The following PUDP variants were observed in gnomAD, a reference collection of about 807,000 sequenced individuals.
PUDP encodes the protein pseudouridine 5'-phosphatase, also known as pseudouridine-5'-phosphatase.
Under a neutral mutation model 9.4 loss-of-function variants are expected in PUDP, and 8 were observed. The observed-to-expected ratio is 0.85, with a 90% CI of 0.50 to 1.53. PUDP has a LOEUF of 1.53. Ranked by LOEUF, PUDP falls within the 40% of genes most tolerant of loss-of-function variation. PUDP has a pLI of 0.00. For missense variants in PUDP, 188 were observed against 189.7 expected (o/e 0.99, Z 0.05); for synonymous variants, 99 against 80.7 (o/e 1.23, Z -1.22).
chrX:6,854,039 T>C (rs1024075466), intron 3 of PUDP, among the ~76,000 whole-genome samples: 3 of 111,965 alleles, frequency 2.7e-5, no homozygotes, highest in Non-Finnish European at 3.8e-5. Context: ...GCTGGGATTA[T>C]AGGTATGAGG....
intron 3 of PUDP, among the ~76,000 whole-genome samples, chrX:6,964,887 T>A (rs748609045): frequency 6.3e-5 from 7 of 111,407 alleles, no homozygotes; most frequent in Admixed American, 5.8e-4. Flanking sequence ...CCTAAGTTTT[T>A]TCCCCCTCCT....
Position 6,791,438 on chromosome X carries a change from G to A in PUDP, c.*248-84972C>T, listed in dbSNP as rs142178194. On this transcript the variant is annotated intron_variant and NMD_transcript_variant, in intron 3 of 3. Transcript: ENST00000655425. ...CCCAAGTCTGAATCCACAGACCTGC[G>A]AATCTGCAAAGAGTAACCAAGGTTA... Among the ~76,000 whole-genome samples the A allele has an allele frequency of 4.9e-3, 551 of 111,446 alleles. 4 individuals carry two copies. The highest frequency in any genetic ancestry group is 0.017 in the African/African-American group (524 of 30,739).
At chrX:6,900,326 T>TGGC (rs1555915669) in intron 3 of PUDP, among the ~76,000 whole-genome samples, 5 of 81,586 alleles carry the variant, frequency 6.1e-5, no homozygotes, top group African/African-American at 1.9e-4. Flanking sequence ...TGTCACCACT[T>TGGC]GGGGGGGGGG....
At chrX:6,965,676 T>C (rs1928772378) in intron 3 of PUDP, among the ~76,000 whole-genome samples, 1 of 112,459 alleles carries the variant, frequency 8.9e-6, no homozygotes, top group African/African-American at 3.2e-5. Flanking sequence ...ACAGGAGTTA[T>C]ACACAAAATA....
At chrX:7,054,063 C>T (rs1301110260) in intron 3 of PUDP, among the ~76,000 whole-genome samples, 1 of 111,919 alleles carries the variant, frequency 8.9e-6, no homozygotes, top group Non-Finnish European at 1.9e-5. Flanking sequence ...CTCGAATAAG[C>T]ATGAAGAGTG....
At chrX:7,059,411 C>T (rs960899653) in intron 3 of PUDP, among the ~76,000 whole-genome samples, 13 of 111,987 alleles carry the variant, frequency 1.2e-4, no homozygotes, top group Admixed American at 1.0e-3. Context: ...AAAAACAAAC[C>T]GCAAGTTTCT....
intron 3 of PUDP, among the ~76,000 whole-genome samples, chrX:6,876,829 CTA>C (rs764475173): frequency 4.6e-5 from 5 of 108,325 alleles, no homozygotes; most frequent in Non-Finnish European, 9.6e-5. Context: ...ATGTGTGTAC[CTA>C]TAGACATATA....
intron 1 of PUDP, among the ~76,000 whole-genome samples, chrX:7,127,974 A>G (rs1451443773): frequency 8.9e-6 from 1 of 112,284 alleles, no homozygotes; most frequent in African/African-American, 3.2e-5. Flanking sequence ...GGTGAAGTTT[A>G]TGAAAAAATT....
At chrX:7,006,649 T>C (rs1929406618) in intron 1 of PUDP, among the ~76,000 whole-genome samples, 1 of 110,927 alleles carries the variant, frequency 9.0e-6, no homozygotes, top group Non-Finnish European at 1.9e-5. Flanking sequence ...TATTAGAATG[T>C]GAGTTTGGTT....
In PUDP at chrX:7,077,409, G is replaced by T. The variant is rs1165565506; in HGVS notation, c.321C>A (p.Ile107=). The change falls in exon 3 of 4, where the codon ATC becomes ATA. Residue 107 remains isoleucine (I), a synonymous_variant. Transcript: ENST00000381077. Reference sequence around the variant, plus strand: ...CCGAGCTGGTGGCCAGTGCAAAGGGGATGCCATGTTTCCGCAGGTGGATGA... The same window carrying T: ...CCGAGCTGGTGGCCAGTGCAAAGGGTATGCCATGTTTCCGCAGGTGGATGA... ...KLIIHLRKHG[I]PFALATSSGS... 1.7e-6 allele frequency: 2 copies of T among 1,209,044 alleles called. No individual in the cohort carries two copies. Among genetic ancestry groups the T allele is most frequent in the Non-Finnish European group, 2.2e-6 (2 of 894,783 alleles).
chrX:7,058,153 G>A (rs1420867922), intron 3 of PUDP, among the ~76,000 whole-genome samples: 3 of 111,850 alleles, frequency 2.7e-5, no homozygotes, highest in Non-Finnish European at 5.6e-5. Context: ...AGTGCTGCCC[G>A]TGCCTACTTG....
intron 3 of PUDP, among the ~76,000 whole-genome samples, chrX:6,927,535 C>T (rs1033253639): frequency 8.0e-5 from 9 of 112,211 alleles, no homozygotes; most frequent in African/African-American, 2.9e-4. Context: ...CTGCATCTCA[C>T]TTTGTGGGCA....
At chrX:6,901,769 G>A (rs1379664256) in intron 3 of PUDP, among the ~76,000 whole-genome samples, 1 of 112,955 alleles carries the variant, frequency 8.9e-6, no homozygotes, top group Non-Finnish European at 1.9e-5. Flanking sequence ...AGGGAGACAT[G>A]TGCAATATAC....
chrX:6,856,469 T>C (rs974847154), intron 3 of PUDP, among the ~76,000 whole-genome samples: 1 of 112,347 alleles, frequency 8.9e-6, no homozygotes, highest in Non-Finnish European at 1.9e-5. Context: ...TGCAATCATT[T>C]ATCATGCAAA....
chrX:7,000,065 C>T (rs894539498), intron 1 of PUDP, among the ~76,000 whole-genome samples: 3 of 107,307 alleles, frequency 2.8e-5, no homozygotes, highest in Non-Finnish European at 5.8e-5. Flanking sequence ...GAACAAAGTA[C>T]TAAGACTGAA....
chrX:7,030,376 G>A (rs761758910), intron 1 of PUDP, among the ~76,000 whole-genome samples: 3 of 111,021 alleles, frequency 2.7e-5, no homozygotes, highest in African/African-American at 9.8e-5. Context: ...TTGATAAAAG[G>A]CTTCCGCGAT....
At position 6,831,126 on chromosome X, in the gene PUDP, G is replaced by A. The variant is rs768941734; in HGVS notation, c.*248-124660C>T. ...TGTGCTGAGTCAGTTCCTGGGTGGG[G>A]GCCACAAGATCAAATGAGCCAGTTT... On this transcript the variant is annotated intron_variant and NMD_transcript_variant, in intron 3 of 3. Transcript: ENST00000655425. Among the ~76,000 whole-genome samples, 383 of 111,261 alleles carry A rather than the reference G, an allele frequency of 3.4e-3. 1 individual carries two copies. Among genetic ancestry groups the A allele is most frequent in the Non-Finnish European group, 5.3e-3 (279 of 52,958 alleles).
chrX:6,971,716 G>A (rs370389889), intron 3 of PUDP, among the ~76,000 whole-genome samples: 3 of 111,081 alleles, frequency 2.7e-5, no homozygotes, highest in Non-Finnish European at 3.8e-5. Context: ...GAGCCACTGC[G>A]CCTGGCCTAA....
intron 3 of PUDP, among the ~76,000 whole-genome samples, chrX:6,796,753 C>T (rs756541104): frequency 3.6e-5 from 4 of 111,271 alleles, no homozygotes; most frequent in Admixed American, 9.6e-5. Context: ...AAGAGAGAGA[C>T]GTGTATGTTA....
Sources: gnomAD v4.1 joint callset for allele counts (sites outside exome capture counted in the v4.1 genomes callset) on GRCh38, gnomAD v4.1.1 for gene constraint, MANE v1.5 for transcripts, NCBI Gene and HGNC (gene_info 2026-07-23, HGNC 2026-07-21) for gene names.